PBX3: variants seen among roughly 807,000 people sequenced by gnomAD.
The protein encoded by PBX3 is pre-B-cell leukemia transcription factor 3.
In PBX3, 14 loss-of-function variants were observed where a neutral mutation model predicts 48.5. The ratio of observed to expected loss-of-function variants is 0.29; its 90% CI spans 0.19 to 0.45. The LOEUF (loss-of-function observed/expected upper bound fraction) is 0.45, where lower values mean the gene tolerates loss of function less well. PBX3 is among the 20% of genes least tolerant of loss of function. PBX3 has a pLI of 1.00. For synonymous variants in PBX3, 210 were observed against 200.3 expected, an observed-to-expected ratio of 1.05 and a Z score of -0.41; for missense variants, 386 against 546.7, an observed-to-expected ratio of 0.71 and a Z score of 2.93.
intron 2 of PBX3, among the ~76,000 whole-genome samples, chr9:125,780,653 AC>A (rs1452110278): frequency 9.1e-6 from 1 of 109,348 alleles, no homozygotes; most frequent in Non-Finnish European, 1.9e-5. Flanking sequence ...TGACCCCCCC[AC>A]CTCCCTCCCG....
chr9:125,793,434 CTTTTTTTT>C (rs918810427), intron 2 of PBX3, among the ~76,000 whole-genome samples: 1 of 134,912 alleles, frequency 7.4e-6, no homozygotes, highest in African/African-American at 2.8e-5. Context: ...GGCTTTTTTC[CTTTTTTTT>C]TGGTTGACAT....
intron 2 of PBX3, among the ~76,000 whole-genome samples, chr9:125,852,852 C>T (rs2132265634): frequency 6.6e-6 from 1 of 152,202 alleles, no homozygotes; most frequent in East Asian, 1.9e-4. Context: ...TTGCACTGCC[C>T]TAGGAACTTG....
At chr9:125,812,239 A>G (rs1039755260) in intron 2 of PBX3, among the ~76,000 whole-genome samples, 1 of 152,190 alleles carries the variant, frequency 6.6e-6, no homozygotes, top group African/African-American at 2.4e-5. Flanking sequence ...GCCTCTAAAT[A>G]TCATATTGGG....
chr9:125,961,321 G>A (rs1432408288), intron 6 of PBX3, among the ~76,000 whole-genome samples: 2 of 152,208 alleles, frequency 1.3e-5, no homozygotes, highest in African/African-American at 2.4e-5. Context: ...CTGTCTGAGC[G>A]GGGCTGACGG....
intron 2 of PBX3, among the ~76,000 whole-genome samples, chr9:125,886,711 G>A (rs984491396): frequency 1.1e-4 from 16 of 152,214 alleles, no homozygotes; most frequent in African/African-American, 3.6e-4. Context: ...ATGAATTAAT[G>A]GATGGTCCTA....
intron 3 of PBX3, among the ~76,000 whole-genome samples, chr9:125,918,411 T>C (rs1251534733): frequency 6.6e-6 from 1 of 152,258 alleles, no homozygotes; most frequent in Non-Finnish European, 1.5e-5. Flanking sequence ...TTTTAAAATA[T>C]ACATGTATAT....
At chr9:125,897,183 A>G (rs1403380360) in intron 2 of PBX3, among the ~76,000 whole-genome samples, 1 of 113,202 alleles carries the variant, frequency 8.8e-6, no homozygotes, top group African/African-American at 3.4e-5. Flanking sequence ...CATGACATTC[A>G]TTCGCATTAG....
rs1023327224 is a variant in PBX3, at chr9:125,967,261, A to G, written c.*1338A>G. ...TAATTTGTGGCGGTGATTCTAATGT[A>G]TTAAAAACGTTTCGTGTTCCTTTCT... On this transcript the variant is annotated 3_prime_UTR_variant, in exon 9 of 9. Transcript: ENST00000373489. The G allele has an allele frequency of 1.0e-4, 16 of 152,770 alleles. No individual in the cohort carries two copies. The highest frequency in any genetic ancestry group is 3.6e-4 in the African/African-American group (15 of 41,580). The allele number at this position is 152,770 out of a possible 1,614,324, so 9.5% of individuals were successfully genotyped here. A position where few individuals can be genotyped will look rare whatever the true frequency, so the allele number is the denominator to read the frequency against.
At chr9:125,782,689 T>C (rs1837353979) in intron 2 of PBX3, among the ~76,000 whole-genome samples, 1 of 152,226 alleles carries the variant, frequency 6.6e-6, no homozygotes, top group East Asian at 1.9e-4. Context: ...TTTAGTGTCC[T>C]TTTATTTCAG....
chr9:125,789,329 G>A (rs372405817), intron 2 of PBX3, among the ~76,000 whole-genome samples: 23 of 152,196 alleles, frequency 1.5e-4, no homozygotes, highest in African/African-American at 5.1e-4. Context: ...GTTTAGCAGG[G>A]TGCCACTGTG....
At chr9:125,897,702 G>T (rs1840807377) in intron 2 of PBX3, among the ~76,000 whole-genome samples, 1 of 151,784 alleles carries the variant, frequency 6.6e-6, no homozygotes, top group East Asian at 1.9e-4. Flanking sequence ...AAAAGTATTG[G>T]ATTGCAGTAA....
chr9:125,823,697 A>G (rs1838723263), intron 2 of PBX3, among the ~76,000 whole-genome samples: 1 of 152,200 alleles, frequency 6.6e-6, no homozygotes, highest in African/African-American at 2.4e-5. Context: ...CTTGGGGTTT[A>G]GAAGACAGAA....
At chr9:125,949,286 AG>A in intron 5 of PBX3, 1 of 1,482,104 alleles carries the variant, frequency 6.7e-7, no homozygotes, top group South Asian at 1.3e-5. Context: ...TCATGTATGA[AG>A]AGTGCCTAGT....
chr9:125,930,816 C>G (rs1452246479), intron 4 of PBX3, among the ~76,000 whole-genome samples: 1 of 152,184 alleles, frequency 6.6e-6, no homozygotes, highest in Non-Finnish European at 1.5e-5. Flanking sequence ...TATCCCTTGT[C>G]TGTTTCTATA....
intron 2 of PBX3, among the ~76,000 whole-genome samples, chr9:125,869,324 G>C (rs1286629362): frequency 6.6e-6 from 1 of 152,066 alleles, no homozygotes; most frequent in African/African-American, 2.4e-5. Context: ...CAGAAATAAA[G>C]AATTAAAAAA....
intron 2 of PBX3, among the ~76,000 whole-genome samples, chr9:125,818,173 TG>T (rs1195102219): frequency 7.1e-6 from 1 of 140,306 alleles, no homozygotes; most frequent in Non-Finnish European, 1.5e-5. Context: ...CACTCCAGCC[TG>T]GGTGACAGAG....
intron 2 of PBX3, among the ~76,000 whole-genome samples, chr9:125,787,224 A>T (rs1837481523): frequency 6.6e-6 from 1 of 152,016 alleles, no homozygotes; most frequent in Admixed American, 6.6e-5. Flanking sequence ...ATTTACTTGT[A>T]GAAATGGGGT....
chr9:125,868,427 G>C (rs1260864972), intron 2 of PBX3, among the ~76,000 whole-genome samples: 1 of 152,210 alleles, frequency 6.6e-6, no homozygotes, highest in African/African-American at 2.4e-5. Flanking sequence ...ACTTAAACAT[G>C]CTGGCTGTAC....
In PBX3 at chr9:125,835,051, A is replaced by AAAAAAAAAAAAAAAAAAAAAT. The variant is rs1564681272; in HGVS notation, c.275-80635_275-80634insAAAAAAAAAAAAAAAAAAAAT. ...AAAAAAAAAAAAAAAAAAAAAAAAA[A>AAAAAAAAAAAAAAAAAAAAAT]GGGCAAAAGATATGAAAAGACAAGT... On this transcript the variant is annotated intron_variant, in intron 2 of 8. Coordinates refer to ENST00000373489, the MANE Select transcript of PBX3 (RefSeq NM_006195.6). 4.6e-5 allele frequency among the ~76,000 whole-genome samples: 5 copies of AAAAAAAAAAAAAAAAAAAAAT among 108,002 alleles called. 2 individuals carry two copies. Among genetic ancestry groups the AAAAAAAAAAAAAAAAAAAAAT allele is most frequent in the African/African-American group, 1.9e-4 (5 of 26,310 alleles). The allele number at this position is 108,002 out of a possible 152,430, so 70.9% of individuals were successfully genotyped here.
Sources: gnomAD v4.1 joint callset for allele counts (sites outside exome capture counted in the v4.1 genomes callset) on GRCh38, gnomAD v4.1.1 for gene constraint, MANE v1.5 for transcripts, NCBI Gene and HGNC (gene_info 2026-07-23, HGNC 2026-07-21) for gene names.